Variants in RBFOX1 observed in about 807,000 individuals in gnomAD.
RBFOX1 encodes RNA binding fox-1 homolog 1, also known as RNA binding protein fox-1 homolog 1.
Under a neutral mutation model 57.7 loss-of-function variants are expected in RBFOX1, and 8 were observed. That is an observed-to-expected ratio of 0.14 (90% confidence interval 0.08 to 0.25). The LOEUF is 0.25. RBFOX1 is among the 10% of genes least tolerant of loss of function. The pLI, the probability that RBFOX1 is intolerant of heterozygous loss-of-function variation, is 1.00. For missense variants in RBFOX1, 611 were observed against 548.5 expected, an observed-to-expected ratio of 1.11 and a Z score of -1.14; for synonymous variants, 326 against 222.4, an observed-to-expected ratio of 1.47 and a Z score of -4.15.
chr16:6,791,743 A>C (rs2082994374), intron 3 of RBFOX1, among the ~76,000 whole-genome samples: 1 of 152,196 alleles, frequency 6.6e-6, no homozygotes, highest in Non-Finnish European at 1.5e-5. Context: ...CCTGGGGGAA[A>C]GAGTGAGAGT....
intron 2 of RBFOX1, among the ~76,000 whole-genome samples, chr16:6,407,719 T>C (rs1346013374): frequency 6.6e-6 from 1 of 152,036 alleles, no homozygotes; most frequent in Non-Finnish European, 1.5e-5. Context: ...TTGTGGTAAG[T>C]GCTATGAAGG....
intron 4 of RBFOX1, among the ~76,000 whole-genome samples, chr16:5,989,469 A>G (rs2152317717): frequency 6.6e-6 from 1 of 152,310 alleles, no homozygotes; most frequent in African/African-American, 2.4e-5. Flanking sequence ...GTCACAGGAA[A>G]TGGAGGCAAT....
At position 6,699,495 on chromosome 16, in the gene RBFOX1, A is replaced by C. The variant is rs377644190; in HGVS notation, c.-16+44845A>C. ...CAATATTAATTCAGTTAATTTCAGCACATTATATAATGTGTCCAGTGACCT... is the reference window on the plus strand; with the variant it reads ...CAATATTAATTCAGTTAATTTCAGCCCATTATATAATGTGTCCAGTGACCT... On this transcript the variant is annotated intron_variant, in intron 3 of 15. Transcript: ENST00000550418. 6.8e-4 allele frequency among the ~76,000 whole-genome samples: 103 copies of C among 152,312 alleles called. 1 individual carries two copies. In the South Asian group the frequency reaches 0.02, roughly 29 times the overall value.
At chr16:7,143,821 A>T (rs771447749) in intron 4 of RBFOX1, among the ~76,000 whole-genome samples, 2 of 152,156 alleles carry the variant, frequency 1.3e-5, no homozygotes, top group Admixed American at 1.3e-4. Flanking sequence ...TACACAGTAT[A>T]TCTTACAGGT....
intron 1 of RBFOX1, among the ~76,000 whole-genome samples, chr16:6,107,779 G>A (rs2096400079): frequency 6.6e-6 from 1 of 151,812 alleles, no homozygotes; most frequent in Non-Finnish European, 1.5e-5. Context: ...GTGGATGGAT[G>A]GATGGGTGGA....
chr16:5,991,433 C>A (rs1244650957), intron 4 of RBFOX1, among the ~76,000 whole-genome samples: 1 of 152,144 alleles, frequency 6.6e-6, no homozygotes, highest in Non-Finnish European at 1.5e-5. Flanking sequence ...ATCGTCACTG[C>A]AGCTTTGTGC....
At chr16:6,969,515 G>A (rs954090580) in intron 3 of RBFOX1, among the ~76,000 whole-genome samples, 8 of 151,972 alleles carry the variant, frequency 5.3e-5, no homozygotes, top group African/African-American at 1.7e-4. Context: ...TAGGTGGATC[G>A]ATTGAGCTCG....
intron 3 of RBFOX1, among the ~76,000 whole-genome samples, chr16:6,739,252 A>C (rs570140735): frequency 7.9e-5 from 12 of 151,648 alleles, no homozygotes; most frequent in Middle Eastern, 3.4e-3. Context: ...AAAAAAAAAG[A>C]AGGGAATAAT....
chr16:5,872,585 A>C (rs915941900), intron 4 of RBFOX1, among the ~76,000 whole-genome samples: 3 of 151,844 alleles, frequency 2.0e-5, no homozygotes, highest in Admixed American at 6.6e-5. Flanking sequence ...AAGAAAAAAA[A>C]AATTGGCAGG....
chr16:6,495,906 C>G (rs1015464855), intron 2 of RBFOX1, among the ~76,000 whole-genome samples: 3 of 152,210 alleles, frequency 2.0e-5, no homozygotes, highest in Non-Finnish European at 4.4e-5. Flanking sequence ...TGTTTGGCTG[C>G]TTTACATTAA....
chr16:6,298,053 G>A (rs1756826369), intron 1 of RBFOX1, among the ~76,000 whole-genome samples: 1 of 152,238 alleles, frequency 6.6e-6, no homozygotes, highest in Admixed American at 6.5e-5. Context: ...CAAATAGGCA[G>A]AGGGTCTGCT....
chr16:7,257,241 C>T (rs907779424), intron 4 of RBFOX1, among the ~76,000 whole-genome samples: 1 of 152,172 alleles, frequency 6.6e-6, no homozygotes, highest in Non-Finnish European at 1.5e-5. Flanking sequence ...TAATCCCCAG[C>T]TGAGAGTGCG....
Position 7,386,174 on chromosome 16 carries a change from G to A in RBFOX1, c.28-131973G>A, listed in dbSNP as rs150086847. ...CCCAACAGCCTCAGAGATATCAGATGTAGGGCAAAGCGGGTATCTGCATCC... is the reference window on the plus strand; with the variant it reads ...CCCAACAGCCTCAGAGATATCAGATATAGGGCAAAGCGGGTATCTGCATCC... On this transcript the variant is annotated intron_variant, in intron 4 of 15. Coordinates refer to ENST00000550418, the MANE Select transcript of RBFOX1 (RefSeq NM_018723.4). Among the ~76,000 whole-genome samples the A allele has an allele frequency of 5.9e-5, 9 of 152,174 alleles. No homozygotes were observed. The East Asian group carries it at 1.7e-3, about 29-fold the overall frequency.
At chr16:5,752,787 C>G (rs932977957) in intron 3 of RBFOX1, among the ~76,000 whole-genome samples, 2 of 152,142 alleles carry the variant, frequency 1.3e-5, no homozygotes, top group African/African-American at 4.8e-5. Flanking sequence ...CACTCCTCTA[C>G]TTTGAATTTC....
At chr16:6,761,784 C>T (rs74580784) in intron 3 of RBFOX1, among the ~76,000 whole-genome samples, 1 of 151,892 alleles carries the variant, frequency 6.6e-6, no homozygotes, top group Non-Finnish European at 1.5e-5. Flanking sequence ...GGATTACAGG[C>T]ATGAGCCACC....
chr16:6,972,670 A>G (rs1214363769), intron 3 of RBFOX1, among the ~76,000 whole-genome samples: 3 of 152,066 alleles, frequency 2.0e-5, no homozygotes, highest in African/African-American at 7.2e-5. Flanking sequence ...GGGACAGACA[A>G]CCTGAGTGGA....
At chr16:5,518,742 C>T (rs1475435805) in intron 2 of RBFOX1, among the ~76,000 whole-genome samples, 2 of 152,092 alleles carry the variant, frequency 1.3e-5, no homozygotes, top group African/African-American at 4.8e-5. Context: ...AGCGAAGGTC[C>T]CTGTCCTGCA....
rs374827330 is a variant in RBFOX1, at chr16:5,811,143, ATTTTTTTTT to A, written c.319-56145_319-56137del. On this transcript the variant is annotated intron_variant, in intron 3 of 19. Transcript: ENST00000641259. ...ATATAAATGAAATCTTATGGAACAA[ATTTTTTTTT>A]TTTTTTTTTTTTTTGAGATGGAGTC... is the stretch of plus-strand genomic sequence containing the variant. 2.9e-5 allele frequency among the ~76,000 whole-genome samples: 3 copies of A among 104,558 alleles called. No homozygotes were observed. In the Admixed American group the frequency reaches 3.5e-4, roughly 12 times the overall value. 68.6% of individuals were successfully genotyped at this position (104,558 alleles called of 152,430 possible). A position where few individuals can be genotyped will look rare whatever the true frequency, so the allele number is the denominator to read the frequency against.
chr16:5,871,028 A>G (rs1442848880), intron 4 of RBFOX1, among the ~76,000 whole-genome samples: 1 of 152,216 alleles, frequency 6.6e-6, no homozygotes, highest in Non-Finnish European at 1.5e-5. Context: ...GCAGATTGAC[A>G]GTGAATATGT....
Sources: allele counts gnomAD v4.1 joint callset (sites outside exome capture counted in the v4.1 genomes callset), GRCh38; gene constraint gnomAD v4.1.1; transcripts MANE v1.5; gene names NCBI Gene and HGNC (gene_info 2026-07-23, HGNC 2026-07-21).